Variants in SLC24A2 observed in about 807,000 individuals in gnomAD.
SLC24A2 encodes sodium/potassium/calcium exchanger 2.
In SLC24A2, 36 loss-of-function variants were observed where a neutral mutation model predicts 62.0. The observed-to-expected ratio is 0.58, with a 90% CI of 0.44 to 0.77. The LOEUF is 0.77. Among genes scored for constraint, SLC24A2 ranks in the 30% least tolerant of loss-of-function variants. The pLI is 0.00. For synonymous variants in SLC24A2, 358 were observed against 294.0 expected (o/e 1.22, Z -2.23); for missense variants, 846 against 817.9 (o/e 1.03, Z -0.42).
At chr9:19,731,907 C>T (rs1821350148) in intron 2 of SLC24A2, among the ~76,000 whole-genome samples, 2 of 152,134 alleles carry the variant, frequency 1.3e-5, no homozygotes. Context: ...ACATTGTGAG[C>T]CAGTTTGTCC....
the SLC24A2 span, among the ~76,000 whole-genome samples, chr9:19,932,742 C>T: frequency 6.6e-6 from 1 of 152,116 alleles, no homozygotes; most frequent in Non-Finnish European, 1.5e-5. Flanking sequence ...CCTACAATAC[C>T]CTCTCTTTGA....
the SLC24A2 span, among the ~76,000 whole-genome samples, chr9:20,043,639 G>C: frequency 2.6e-5 from 4 of 152,204 alleles, no homozygotes; most frequent in African/African-American, 4.8e-5. Context: ...GATGTGGTGG[G>C]AATAGTAAGA....
the SLC24A2 span, among the ~76,000 whole-genome samples, chr9:20,106,274 G>A: frequency 6.6e-6 from 1 of 152,168 alleles, no homozygotes; most frequent in Admixed American, 6.5e-5. Context: ...GAGGTACAAG[G>A]AGGAGCCAGT....
intron 2 of SLC24A2, among the ~76,000 whole-genome samples, chr9:19,667,354 A>C (rs528390256): frequency 6.6e-6 from 1 of 152,116 alleles, no homozygotes; most frequent in African/African-American, 2.4e-5. Flanking sequence ...CACATTTCCT[A>C]TCTTGGTTAA....
intron 7 of SLC24A2, among the ~76,000 whole-genome samples, chr9:19,554,464 G>A (rs1834985869): frequency 6.6e-6 from 1 of 152,174 alleles, no homozygotes; most frequent in African/African-American, 2.4e-5. Flanking sequence ...GAGCATCCAT[G>A]GAATTTGGTA....
chr9:19,819,107 C>A, the SLC24A2 span, among the ~76,000 whole-genome samples: 1 of 151,998 alleles, frequency 6.6e-6, no homozygotes, highest in African/African-American at 2.4e-5. Flanking sequence ...GAAAAGACAC[C>A]CTTTTCAACA....
chr9:19,752,580 T>G (rs1822018056), intron 2 of SLC24A2, among the ~76,000 whole-genome samples: 1 of 120,394 alleles, frequency 8.3e-6, no homozygotes, highest in Non-Finnish European at 2.0e-5. Context: ...GAAAACTCCT[T>G]AAACTCACCG....
rs183364743 is a variant in SLC24A2, at chr9:19,708,431, A to G, written c.930+77506T>C. Among the ~76,000 whole-genome samples, 267 of 152,310 alleles carry G rather than the reference A, an allele frequency of 1.8e-3. 1 individual carries two copies. Among genetic ancestry groups the G allele is most frequent in the South Asian group, 0.014 (66 of 4,820 alleles). On this transcript the variant is annotated intron_variant, in intron 2 of 10. Coordinates refer to ENST00000341998, the MANE Select transcript of SLC24A2 (RefSeq NM_020344.4). ...TTTAAAGTTCATATGGAACCAAAAA[A>G]GAGCCTGCATCACCAAGTCAACCCC... is the stretch of plus-strand genomic sequence containing the variant.
At chr9:20,300,499 CA>C in the SLC24A2 span, among the ~76,000 whole-genome samples, 1 of 152,306 alleles carries the variant, frequency 6.6e-6, no homozygotes, top group Admixed American at 6.5e-5. Context: ...GTGTTAAAAT[CA>C]TGCTTCAGAA....
the SLC24A2 span, among the ~76,000 whole-genome samples, chr9:20,183,853 A>G: frequency 7.3e-6 from 1 of 137,666 alleles, no homozygotes; most frequent in Non-Finnish European, 1.6e-5. Context: ...ATGGTTTTCA[A>G]AATGCAAACC....
At chr9:19,553,490 G>C (rs1834940408) in intron 7 of SLC24A2, among the ~76,000 whole-genome samples, 1 of 152,198 alleles carries the variant, frequency 6.6e-6, no homozygotes, top group African/African-American at 2.4e-5. Context: ...AGAAGCCTTA[G>C]AATTGTGTAA....
chr9:20,126,478 G>A, the SLC24A2 span, among the ~76,000 whole-genome samples: 1 of 151,924 alleles, frequency 6.6e-6, no homozygotes, highest in South Asian at 2.1e-4. Flanking sequence ...ATTTTCTGTG[G>A]AAACATCACC....
chr9:20,218,153 G>C, the SLC24A2 span, among the ~76,000 whole-genome samples: 1 of 152,282 alleles, frequency 6.6e-6, no homozygotes, highest in East Asian at 1.9e-4. Context: ...AATTCATTCT[G>C]AACTAGGAAG....
chr9:19,600,960 G>C (rs924389639), intron 4 of SLC24A2, among the ~76,000 whole-genome samples: 2 of 152,156 alleles, frequency 1.3e-5, no homozygotes, highest in Non-Finnish European at 2.9e-5. Flanking sequence ...GTATTGTTTT[G>C]AGAAGTGAAG....
At chr9:20,243,563 T>C in the SLC24A2 span, among the ~76,000 whole-genome samples, 2 of 152,312 alleles carry the variant, frequency 1.3e-5, no homozygotes, top group South Asian at 4.2e-4. Flanking sequence ...ACTAGCCAGA[T>C]TGTAACACGC....
the SLC24A2 span, among the ~76,000 whole-genome samples, chr9:19,837,559 T>A: frequency 6.8e-6 from 1 of 147,756 alleles, no homozygotes; most frequent in Non-Finnish European, 1.5e-5. Flanking sequence ...TGTTGGAAGT[T>A]CTGGCCAGGG....
chr9:20,211,422 G>A, the SLC24A2 span, among the ~76,000 whole-genome samples: 2 of 152,150 alleles, frequency 1.3e-5, no homozygotes, highest in African/African-American at 4.8e-5. Flanking sequence ...TGAGGCAGGA[G>A]AATTGCTTGA....
At chr9:20,193,738 C>A in the SLC24A2 span, among the ~76,000 whole-genome samples, 4 of 152,008 alleles carry the variant, frequency 2.6e-5, no homozygotes, top group Admixed American at 2.0e-4. Flanking sequence ...ATTAGAGACA[C>A]TAAGTTCTTA....
the SLC24A2 span, among the ~76,000 whole-genome samples, chr9:20,126,841 G>C: frequency 6.6e-6 from 1 of 152,092 alleles, no homozygotes; most frequent in African/African-American, 2.4e-5. Flanking sequence ...TGTAGTGCCA[G>C]AGGCAGGGAA....
Sources: allele counts gnomAD v4.1 joint callset (sites outside exome capture counted in the v4.1 genomes callset), GRCh38; gene constraint gnomAD v4.1.1; transcripts MANE v1.5; gene names NCBI Gene and HGNC (gene_info 2026-07-23, HGNC 2026-07-21).